Variants in CHRM2 observed in about 807,000 individuals in gnomAD.
CHRM2 encodes muscarinic acetylcholine receptor M2.
A neutral mutation model predicts 25.0 loss-of-function variants in CHRM2; 8 were observed. The observed-to-expected ratio is 0.32, with a 90% CI of 0.19 to 0.58. CHRM2 has a LOEUF of 0.58. Among genes scored for constraint, CHRM2 ranks in the 20% least tolerant of loss-of-function variants. The pLI is 0.88. For synonymous variants in CHRM2, 202 were observed against 205.7 expected, an observed-to-expected ratio of 0.98 and a Z score of 0.15; for missense variants, 440 against 567.1, an observed-to-expected ratio of 0.78 and a Z score of 2.28.
At position 136,869,780 on chromosome 7, in the gene CHRM2, A is replaced by AC. The variant is rs954314743; in HGVS notation, c.-125+368dup. The AC allele has an allele frequency of 1.4e-5, 2 of 142,950 alleles. No homozygotes were observed. Among genetic ancestry groups the AC allele is most frequent in the African/African-American group, 5.1e-5 (2 of 39,146 alleles). The allele number at this position is 142,950 out of a possible 1,614,324, so 8.9% of individuals were successfully genotyped here. On this transcript the variant is annotated intron_variant, in intron 2 of 3. Transcript: ENST00000680005. The surrounding 1 kb of genome is among the most constrained non-coding windows in gnomAD (Gnocchi z 4.9). ...CCCCCCATTCCCTCTACTGTTGCTG[A>AC]CCCCCCTCCCGCCACCCACTCCAGA...
chr7:136,916,241 C>A (rs568550303), intron 2 of CHRM2, among the ~76,000 whole-genome samples: 1 of 151,880 alleles, frequency 6.6e-6, no homozygotes, highest in Admixed American at 6.6e-5. Flanking sequence ...AAAGCAGCAG[C>A]ATAACTAAAA....
chr7:137,015,301 G>A lies in CHRM2; in HGVS notation c.436G>A (p.Ala146Thr), dbSNP rs1375757054. 6.2e-7 allele frequency: 1 copy of A among 1,613,264 alleles called. No homozygotes were observed. Among genetic ancestry groups the A allele is most frequent in the Non-Finnish European group, 8.5e-7 (1 of 1,179,630 alleles). Residue 146 changes from alanine (A) to threonine (T), a missense_variant, in exon 4 of 4, where the codon GCT becomes ACT. Physicochemically the swap from Ala to Thr is moderately conservative, Grantham distance 58. Transcript: ENST00000680005. This position sits in a 1 kb window ranked among gnomAD's most constrained non-coding sequence, Gnocchi z 5.1. Reference protein sequence around the residue: ...TTKMAGMMIAAAWVLSFILWA... With the variant: ...TTKMAGMMIATAWVLSFILWA... ...AAAAATGGCAGGTATGATGATTGCA[G>A]CTGCCTGGGTCCTCTCTTTCATCCT... is the stretch of plus-strand genomic sequence containing the variant.
chr7:136,961,219 T>C (rs1262451310), intron 2 of CHRM2, among the ~76,000 whole-genome samples: 1 of 152,120 alleles, frequency 6.6e-6, no homozygotes, highest in Non-Finnish European at 1.5e-5. Flanking sequence ...CAGTACAGTA[T>C]TCAGTAAACT....
chr7:136,901,699 G>C (rs1266162457), intron 2 of CHRM2, among the ~76,000 whole-genome samples: 1 of 151,958 alleles, frequency 6.6e-6, no homozygotes, highest in East Asian at 1.9e-4. Flanking sequence ...CTCTTGATCA[G>C]TTGCATTTAC....
intron 2 of CHRM2, among the ~76,000 whole-genome samples, chr7:136,948,388 G>A (rs1325160774): frequency 6.6e-6 from 1 of 152,156 alleles, no homozygotes; most frequent in African/African-American, 2.4e-5. Context: ...GAATAATTCT[G>A]ATTTATAGTA....
chr7:136,935,820 C>T (rs926170973), intron 2 of CHRM2, among the ~76,000 whole-genome samples: 2 of 152,142 alleles, frequency 1.3e-5, no homozygotes, highest in African/African-American at 4.8e-5. Context: ...AACTCATTTC[C>T]TTTTCACCTA....
chr7:137,013,587 C>T (rs796452828), intron 3 of CHRM2, among the ~76,000 whole-genome samples: 1 of 151,950 alleles, frequency 6.6e-6, no homozygotes, highest in Non-Finnish European at 1.5e-5. Flanking sequence ...TGTGTCATAT[C>T]TCTTTGATGA....
intron 2 of CHRM2, among the ~76,000 whole-genome samples, chr7:136,988,741 A>G (rs1277188633): frequency 6.6e-6 from 1 of 152,156 alleles, no homozygotes; most frequent in Non-Finnish European, 1.5e-5. Flanking sequence ...ATAAAGCACC[A>G]AGTGCATCTA....
chr7:136,924,091 A>C (rs916073472), intron 2 of CHRM2, among the ~76,000 whole-genome samples: 9 of 152,224 alleles, frequency 5.9e-5, no homozygotes. Flanking sequence ...ATCTTCTGCA[A>C]ATAAGCATGT....
chr7:136,975,514 T>G (rs1381386130), intron 2 of CHRM2, among the ~76,000 whole-genome samples: 1 of 152,146 alleles, frequency 6.6e-6, no homozygotes, highest in East Asian at 1.9e-4. Flanking sequence ...TAGAATAAGA[T>G]TTTACTTTTT....
At chr7:136,970,975 A>G (rs1219687431) in intron 2 of CHRM2, among the ~76,000 whole-genome samples, 1 of 152,204 alleles carries the variant, frequency 6.6e-6, no homozygotes, top group Non-Finnish European at 1.5e-5. Context: ...AAAATACTTG[A>G]CACAATTGAA....
At chr7:136,910,888 TG>T (rs1797809438) in intron 2 of CHRM2, among the ~76,000 whole-genome samples, 1 of 151,704 alleles carries the variant, frequency 6.6e-6, no homozygotes, top group African/African-American at 2.4e-5. Context: ...GTCACTCAGT[TG>T]TCATTCCAAA....
chr7:136,871,302 G>A (rs1399141437), intron 2 of CHRM2: 2 of 152,258 alleles, frequency 1.3e-5, no homozygotes, highest in Non-Finnish European at 2.9e-5. Context: ...GGCTCCTGCG[G>A]CTGCAGCGCT....
intron 3 of CHRM2, among the ~76,000 whole-genome samples, chr7:137,008,905 G>T (rs1338399029): frequency 1.3e-5 from 2 of 151,996 alleles, no homozygotes; most frequent in East Asian, 3.9e-4. Flanking sequence ...TTATGCCATT[G>T]TGTAATATTG....
At chr7:136,995,662 G>A (rs1803546327) in intron 3 of CHRM2, among the ~76,000 whole-genome samples, 1 of 152,050 alleles carries the variant, frequency 6.6e-6, no homozygotes, top group African/African-American at 2.4e-5. Context: ...TACTCTGGAG[G>A]CTGAGGTGGG....
rs1805324559 is a variant in CHRM2, at chr7:137,019,303, GGAACTCA to G, written c.*3039_*3045del. The stretch of plus-strand genomic sequence containing the variant: ...TGGTGTATGTGTCAGTCACAGATTG[GGAACTCA>G]GGCCACATCTACATATCAAAAATCA... On this transcript the variant is annotated 3_prime_UTR_variant, in exon 4 of 4. Coordinates refer to ENST00000680005, the MANE Select transcript of CHRM2 (RefSeq NM_001006630.2). The G allele has an allele frequency of 6.6e-6, 1 of 151,806 alleles. No individual in the cohort carries two copies. The allele number at this position is 151,806 out of a possible 1,614,324, so 9.4% of individuals were successfully genotyped here.
chr7:136,959,782 A>G (rs1400145053), intron 2 of CHRM2, among the ~76,000 whole-genome samples: 1 of 152,126 alleles, frequency 6.6e-6, no homozygotes, highest in East Asian at 1.9e-4. Flanking sequence ...CTGGTGGTGC[A>G]TGCCTGTAAT....
intron 2 of CHRM2, among the ~76,000 whole-genome samples, chr7:136,950,827 G>T (rs1314961366): frequency 6.6e-6 from 1 of 151,094 alleles, no homozygotes; most frequent in Non-Finnish European, 1.5e-5. Flanking sequence ...TGTTGTTGTT[G>T]TTTCGAGAGA....
intron 2 of CHRM2, among the ~76,000 whole-genome samples, chr7:136,904,568 T>C (rs2130643076): frequency 6.6e-6 from 1 of 152,044 alleles, no homozygotes; most frequent in South Asian, 2.1e-4. Flanking sequence ...AATTTATTAC[T>C]TATCTTACTT....
Sources: allele counts gnomAD v4.1 joint callset (sites outside exome capture counted in the v4.1 genomes callset), GRCh38; gene constraint gnomAD v4.1.1; non-coding constraint Gnocchi (gnomAD v3.1); transcripts MANE v1.5; gene names NCBI Gene and HGNC (gene_info 2026-07-23, HGNC 2026-07-21).